Variants in SLC22A25 observed in about 807,000 individuals in gnomAD.
The protein encoded by SLC22A25 is MGI:2442751, MGI:2385316, MGI:3042283, MGI:3645714, MGI:3605624, MGI:2442750.
A neutral mutation model predicts 45.9 loss-of-function variants in SLC22A25; 44 were observed. The observed-to-expected ratio is 0.96, with a 90% CI of 0.75 to 1.23. The LOEUF (loss-of-function observed/expected upper bound fraction) is 1.23, where lower values mean the gene tolerates loss of function less well. Ranked by LOEUF, SLC22A25 falls within the 50% of genes most tolerant of loss-of-function variation. The pLI is 0.00. For missense variants in SLC22A25, 800 were observed against 666.4 expected (o/e 1.20, Z -2.21); for synonymous variants, 283 against 238.6 (o/e 1.19, Z -1.72).
At chr11:63,236,408 G>C (rs1201152774) in intron 3 of SLC22A25, among the ~76,000 whole-genome samples, 1 of 152,174 alleles carries the variant, frequency 6.6e-6, no homozygotes, top group Non-Finnish European at 1.5e-5. Flanking sequence ...TGCTAGCAAT[G>C]AGTGAGGCTC....
At chr11:63,176,957 C>A (rs557482155) in intron 9 of SLC22A25, among the ~76,000 whole-genome samples, 99 of 152,084 alleles carry the variant, frequency 6.5e-4, no homozygotes, top group Non-Finnish European at 1.2e-3. Context: ...CAGATTCACT[C>A]AGTTTTTGTT....
At chr11:63,228,437 G>A (rs1443573694) in intron 5 of SLC22A25, 24 bp downstream of exon 5, 11 of 1,506,276 alleles carry the variant, frequency 7.3e-6, no homozygotes, top group Non-Finnish European at 9.1e-6. Flanking sequence ...CCCTTGAAGA[G>A]AGCTATGCTC....
chr11:63,218,034 T>C, intron 5 of SLC22A25: 1 of 558,900 alleles, frequency 1.8e-6, no homozygotes, highest in South Asian at 1.5e-5. Context: ...ACCAGAAATG[T>C]CCCTTGTGAA....
At chr11:63,170,750 A>G (rs986241212) in intron 9 of SLC22A25, among the ~76,000 whole-genome samples, 10 of 149,362 alleles carry the variant, frequency 6.7e-5, no homozygotes, top group Non-Finnish European at 1.5e-4. Flanking sequence ...GAGGAGTTGG[A>G]ACAATTCCTT....
rs181241612 is a variant in SLC22A25 at position 63,169,980 on chromosome 11, G to A, written c.1071-3722C>T. 2.0e-3 allele frequency among the ~76,000 whole-genome samples: 311 copies of A among 152,268 alleles called. 6 individuals carry two copies. The highest frequency in any genetic ancestry group is 6.3e-3 in the African/African-American group (261 of 41,564). On this transcript the variant is annotated intron_variant, in intron 9 of 11. Transcript: ENST00000306494. ...ACAAACAAGTCTCTCAGACCACAGT[G>A]CAATCAAATTAGAACTCAGGATTAA...
chr11:63,183,287 C>A (rs1028155921), intron 8 of SLC22A25, among the ~76,000 whole-genome samples: 4 of 152,058 alleles, frequency 2.6e-5, no homozygotes, highest in Admixed American at 1.3e-4. Context: ...ACAGAGTGAA[C>A]AAATAAGTGA....
intron 3 of SLC22A25, among the ~76,000 whole-genome samples, chr11:63,233,066 G>A (rs911558248): frequency 6.6e-6 from 1 of 152,126 alleles, no homozygotes; most frequent in African/African-American, 2.4e-5. Flanking sequence ...TTGCATCAAT[G>A]TTCATCAAGG....
intron 7 of SLC22A25, among the ~76,000 whole-genome samples, chr11:63,186,622 G>A (rs1288699394): frequency 1.3e-5 from 2 of 152,126 alleles, no homozygotes; most frequent in Admixed American, 1.3e-4. Flanking sequence ...CCTTGCCCAT[G>A]CCTATGTCCT....
intron 5 of SLC22A25, 80 bp downstream of exon 5, chr11:63,228,381 C>G (rs2090003387): frequency 1.6e-6 from 2 of 1,218,660 alleles, no homozygotes; most frequent in Non-Finnish European, 2.3e-6. Context: ...GTGTGATTTC[C>G]AAAAATATTT....
chr11:63,169,288 CATG>C (rs2134711487), intron 9 of SLC22A25, among the ~76,000 whole-genome samples: 1 of 152,282 alleles, frequency 6.6e-6, no homozygotes, highest in East Asian at 1.9e-4. Context: ...CAGCTAACAT[CATG>C]ATGACAGGAT....
chr11:63,209,188 A>G (rs1590870216), intron 7 of SLC22A25, among the ~76,000 whole-genome samples: 1 of 152,102 alleles, frequency 6.6e-6, no homozygotes, highest in Admixed American at 6.5e-5. Context: ...GTTTCCCTAT[A>G]TAGACTCTTG....
At chr11:63,223,136 C>T (rs2089888617) in intron 5 of SLC22A25, among the ~76,000 whole-genome samples, 1 of 151,798 alleles carries the variant, frequency 6.6e-6, no homozygotes, top group Non-Finnish European at 1.5e-5. Flanking sequence ...GTAATACTAA[C>T]CTTGTATTAT....
intron 7 of SLC22A25, among the ~76,000 whole-genome samples, chr11:63,184,120 G>T (rs1454676812): frequency 6.6e-6 from 1 of 152,088 alleles, no homozygotes; most frequent in Non-Finnish European, 1.5e-5. Context: ...ACAGATGCCT[G>T]CCAAGGTCCT....
Position 63,164,510 on chromosome 11 carries a change from AC to A in SLC22A25, c.1394+15del, listed in dbSNP as rs1417696946. On this transcript the variant is annotated intron_variant, in intron 11 of 11. Transcript: ENST00000306494. ...GTCCATTTTGAGAATGACAGAGCAC[AC>A]ATAAACTTTTGTACCTGATTATGGA... 6.2e-7 allele frequency: 1 copy of A among 1,600,040 alleles called. No homozygotes were observed. The highest frequency in any genetic ancestry group is 2.2e-5 in the East Asian group (1 of 44,726).
chr11:63,164,776 T>A (rs940359359), intron 10 of SLC22A25, 142 bp from the exon 11 acceptor site: 19 of 645,352 alleles, frequency 2.9e-5, no homozygotes, highest in Non-Finnish European at 4.1e-5. Context: ...AGGCAAAGAA[T>A]GTGCAGTGGC....
At position 63,161,904 on chromosome 11, in the gene SLC22A25, C is replaced by T. The variant is rs2087538364; in HGVS notation, c.*1920G>A. Among the ~76,000 whole-genome samples, 1 of 152,116 alleles carries T rather than the reference C, an allele frequency of 6.6e-6. No individual in the cohort carries two copies. Among genetic ancestry groups the T allele is most frequent in the South Asian group, 2.1e-4 (1 of 4,826 alleles). ...TCCCACCAACAGTGTATGAGGGTTC[C>T]CTTTTCTCCACATTCTCACCAGCAT... On this transcript the variant is annotated 3_prime_UTR_variant, in exon 12 of 12. Coordinates refer to ENST00000306494, the MANE Select transcript of SLC22A25 (RefSeq NM_199352.6).
In SLC22A25 at chr11:63,226,960, T is replaced by A. The variant is rs2134835018; in HGVS notation, c.506+1501A>T. Among the ~76,000 whole-genome samples, 3 of 152,276 alleles carry A rather than the reference T, an allele frequency of 2.0e-5. No individual in the cohort carries two copies. The South Asian group carries it at 6.2e-4, about 32-fold the overall frequency. ...CCCATGTGGAATACTTCCAGGGTGA[T>A]TATTAACTTATGGTCCAAGGGCTGT... On this transcript the variant is annotated intron_variant, in intron 5 of 11. Transcript: ENST00000306494.
chr11:63,218,934 C>T (rs1240512052), intron 5 of SLC22A25, among the ~76,000 whole-genome samples: 3 of 152,054 alleles, frequency 2.0e-5, no homozygotes, highest in African/African-American at 7.2e-5. Flanking sequence ...ATTGTTCTAC[C>T]AAAAACACAC....
rs2087532831 is a variant in SLC22A25, at chr11:63,161,485, C to T, written c.*2339G>A. ...CTTGAATTGTAGCTCCCACAATTCCCACACATCATGGGAGGGATCCAGTGG... is the reference window on the plus strand; with the variant it reads ...CTTGAATTGTAGCTCCCACAATTCCTACACATCATGGGAGGGATCCAGTGG... On this transcript the variant is annotated 3_prime_UTR_variant, in exon 12 of 12. Coordinates refer to ENST00000306494, the MANE Select transcript of SLC22A25 (RefSeq NM_199352.6). Among the ~76,000 whole-genome samples, 1 of 152,110 alleles carries T rather than the reference C, an allele frequency of 6.6e-6. No homozygotes were observed. Among genetic ancestry groups the T allele is most frequent in the Non-Finnish European group, 1.5e-5 (1 of 67,998 alleles).
Sources: allele counts gnomAD v4.1 joint callset (sites outside exome capture counted in the v4.1 genomes callset), GRCh38; gene constraint gnomAD v4.1.1; transcripts MANE v1.5; gene names NCBI Gene and HGNC (gene_info 2026-07-23, HGNC 2026-07-21).